Variants in LRRC63 observed in about 807,000 individuals in gnomAD.
LRRC63 encodes leucine rich repeat containing 63.
In LRRC63, 40 loss-of-function variants were observed where a neutral mutation model predicts 49.5. The ratio of observed to expected loss-of-function variants is 0.81; its 90% CI spans 0.63 to 1.05. LRRC63 has a LOEUF of 1.05. Ranked by LOEUF, LRRC63 falls within the 50% of genes least tolerant of loss-of-function variation. The pLI, the probability that LRRC63 is intolerant of heterozygous loss-of-function variation, is 0.00. For synonymous variants in LRRC63, 191 were observed against 221.1 expected, an observed-to-expected ratio of 0.86 and a Z score of 1.21; for missense variants, 636 against 663.1, an observed-to-expected ratio of 0.96 and a Z score of 0.45.
At chr13:46,232,208 C>G (rs1329494394) in intron 4 of LRRC63, among the ~76,000 whole-genome samples, 1 of 152,192 alleles carries the variant, frequency 6.6e-6, no homozygotes, top group African/African-American at 2.4e-5. Flanking sequence ...CCAAACACCT[C>G]CCTCTGGGAC....
At chr13:46,246,366 G>T (rs1403256719) in intron 5 of LRRC63, among the ~76,000 whole-genome samples, 161 bp from the exon 6 acceptor site, 2 of 152,008 alleles carry the variant, frequency 1.3e-5, no homozygotes, top group African/African-American at 4.8e-5. Context: ...TTATTATCAT[G>T]ACAGACTAAA....
intron 7 of LRRC63, among the ~76,000 whole-genome samples, chr13:46,252,291 G>A (rs2047404066): frequency 6.6e-6 from 1 of 152,002 alleles, no homozygotes; most frequent in Non-Finnish European, 1.5e-5. Flanking sequence ...CTCACGGAGT[G>A]TGGTGAGACT....
chr13:46,246,190 C>A (rs1382600902), intron 5 of LRRC63, among the ~76,000 whole-genome samples: 1 of 152,168 alleles, frequency 6.6e-6, no homozygotes, highest in African/African-American at 2.4e-5. Flanking sequence ...TCCCCAGAAG[C>A]TGAGCAGATG....
chr13:46,237,880 CA>C (rs1487651857), intron 5 of LRRC63, among the ~76,000 whole-genome samples: 1 of 151,620 alleles, frequency 6.6e-6, no homozygotes, highest in Non-Finnish European at 1.5e-5. Context: ...CACAAATTAC[CA>C]AAACAGACTC....
chr13:46,228,985 A>G (rs116880211), intron 4 of LRRC63, among the ~76,000 whole-genome samples: 1 of 152,210 alleles, frequency 6.6e-6, no homozygotes, highest in Non-Finnish European at 1.5e-5. Context: ...GGACAGGCAT[A>G]CAGAAATATG....
At chr13:46,247,337 G>C (rs1425256655) in intron 6 of LRRC63, among the ~76,000 whole-genome samples, 1 of 152,052 alleles carries the variant, frequency 6.6e-6, no homozygotes, top group Admixed American at 6.6e-5. Flanking sequence ...CATAACACCA[G>C]TTTTATTAAT....
intron 4 of LRRC63, among the ~76,000 whole-genome samples, 167 bp from the exon 5 acceptor site, chr13:46,234,025 C>G (rs2138436238): frequency 6.6e-6 from 1 of 152,296 alleles, no homozygotes; most frequent in African/African-American, 2.4e-5. Context: ...GCAAACAGAA[C>G]TAACTGAGTT....
At chr13:46,272,534 G>T (rs1024644139) in intron 9 of LRRC63, among the ~76,000 whole-genome samples, 3 of 152,136 alleles carry the variant, frequency 2.0e-5, no homozygotes, top group African/African-American at 7.2e-5. Context: ...ATGTATCATT[G>T]TTGGTACTAT....
intron 3 of LRRC63, 134 bp downstream of exon 3, chr13:46,228,323 T>C (rs1396622868): frequency 1.4e-6 from 1 of 692,978 alleles, no homozygotes; most frequent in East Asian, 2.7e-5. Context: ...TATATATACA[T>C]GTAATACTTG....
In LRRC63 at chr13:46,255,645, A is replaced by AAAAAAAAAAAAAAAATATATAT. The variant is rs1555328641; in HGVS notation, c.1226+5155_1226+5156insAAAAAAAAAAAAAATATATATA. ...GGCAACAGAGTAAGACCCTGCCTCA[A>AAAAAAAAAAAAAAAATATATAT]ATATATATATATATATATATAGTTA... On this transcript the variant is annotated intron_variant, in intron 7 of 9. Transcript: ENST00000595396. Among the ~76,000 whole-genome samples the AAAAAAAAAAAAAAAATATATAT allele has an allele frequency of 4.6e-3, 600 of 129,304 alleles. 12 individuals are homozygous for AAAAAAAAAAAAAAAATATATAT. The highest frequency in any genetic ancestry group is 0.016 in the African/African-American group (555 of 34,230). The allele number at this position is 129,304 out of a possible 152,430, so 84.8% of individuals were successfully genotyped here. A position where few individuals can be genotyped will look rare whatever the true frequency, so the allele number is the denominator to read the frequency against.
At chr13:46,220,656 A>C (rs1299517715) in intron 2 of LRRC63, among the ~76,000 whole-genome samples, 1 of 151,570 alleles carries the variant, frequency 6.6e-6, no homozygotes, top group Non-Finnish European at 1.5e-5. Flanking sequence ...GTATGAAAAA[A>C]AAAAAAAAAC....
At chr13:46,266,591 T>C (rs1404996822) in intron 8 of LRRC63, 142 bp from the exon 9 acceptor site, 1 of 703,840 alleles carries the variant, frequency 1.4e-6, no homozygotes, top group Non-Finnish European at 2.3e-6. Flanking sequence ...ATTCTCTTGA[T>C]TCTAAAGAAA....
At chr13:46,238,439 A>G (rs1041943750) in intron 5 of LRRC63, among the ~76,000 whole-genome samples, 1 of 151,874 alleles carries the variant, frequency 6.6e-6, no homozygotes, top group African/African-American at 2.4e-5. Flanking sequence ...TCATACTGCT[A>G]TGAAGAAATA....
At chr13:46,241,773 A>G (rs1313924356) in intron 5 of LRRC63, among the ~76,000 whole-genome samples, 1 of 152,214 alleles carries the variant, frequency 6.6e-6, no homozygotes, top group East Asian at 1.9e-4. Context: ...ATAAGATACC[A>G]TCTCACATCA....
chr13:46,226,010 G>T (rs576016069), intron 2 of LRRC63, among the ~76,000 whole-genome samples: 10 of 150,816 alleles, frequency 6.6e-5, no homozygotes, highest in African/African-American at 2.2e-4. Context: ...TTTTGACAGG[G>T]TCTCACTCCG....
At chr13:46,237,957 CCAAA>C (rs2138457344) in intron 5 of LRRC63, among the ~76,000 whole-genome samples, 1 of 152,108 alleles carries the variant, frequency 6.6e-6, no homozygotes, top group East Asian at 1.9e-4. Flanking sequence ...CAAAAAACTT[CCAAA>C]CAAAGAAAAA....
At chr13:46,270,279 G>A in intron 9 of LRRC63, 2 of 847,570 alleles carry the variant, frequency 2.4e-6, no homozygotes, top group Non-Finnish European at 4.2e-6. Context: ...AGCATTCCCT[G>A]TCAGATCAGT....
intron 8 of LRRC63, among the ~76,000 whole-genome samples, chr13:46,265,745 G>A (rs1424385113): frequency 2.6e-5 from 4 of 152,162 alleles, no homozygotes; most frequent in South Asian, 2.1e-4. Context: ...TGTGATTTGC[G>A]CAGAAGAAAA....
intron 9 of LRRC63, among the ~76,000 whole-genome samples, chr13:46,275,172 T>C (rs2047816600): frequency 6.6e-6 from 1 of 152,226 alleles, no homozygotes; most frequent in Admixed American, 6.5e-5. Flanking sequence ...TATAGCTGAA[T>C]AGTATTCCAT....
Sources: gnomAD v4.1 joint callset for allele counts (sites outside exome capture counted in the v4.1 genomes callset) on GRCh38, gnomAD v4.1.1 for gene constraint, MANE v1.5 for transcripts, NCBI Gene and HGNC (gene_info 2026-07-23, HGNC 2026-07-21) for gene names.